WWC1: variants seen among roughly 807,000 people sequenced by gnomAD.
WWC1 encodes protein KIBRA.
WWC1 carries 55 observed loss-of-function variants against 138.4 expected under a neutral mutation model. That is an observed-to-expected ratio of 0.40 (90% confidence interval 0.32 to 0.50). The LOEUF (loss-of-function observed/expected upper bound fraction) is 0.50, where lower values mean the gene tolerates loss of function less well. Among genes scored for constraint, WWC1 ranks in the 20% least tolerant of loss-of-function variants. WWC1 has a pLI of 0.72. For synonymous variants in WWC1, 524 were observed against 564.9 expected, an observed-to-expected ratio of 0.93 and a Z score of 1.03; for missense variants, 1,226 against 1,420.4, an observed-to-expected ratio of 0.86 and a Z score of 2.20.
intron 1 of WWC1, among the ~76,000 whole-genome samples, chr5:168,335,910 G>A (rs917618810): frequency 6.6e-6 from 1 of 152,206 alleles, no homozygotes; most frequent in African/African-American, 2.4e-5. Flanking sequence ...GAAAGCCCTT[G>A]CTTTCCTCCC....
At position 168,449,094 on chromosome 5, in the gene WWC1, T is replaced by C. The variant is rs1755556483; in HGVS notation, c.2525+4509T>C. Among the ~76,000 whole-genome samples the C allele has an allele frequency of 2.0e-5, 3 of 152,204 alleles. No individual in the cohort carries two copies. The South Asian group carries it at 6.2e-4, about 32-fold the overall frequency. ...AGAATGTAAATTGGCTGCTCTCCTT[T>C]TCACTTCCCACAGGGATATGCCTGT... On this transcript the variant is annotated intron_variant, in intron 17 of 22. Coordinates refer to ENST00000265293, the MANE Select transcript of WWC1 (RefSeq NM_015238.3).
chr5:168,348,975 A>G (rs1774706593), intron 1 of WWC1, among the ~76,000 whole-genome samples: 1 of 152,048 alleles, frequency 6.6e-6, no homozygotes, highest in Admixed American at 6.5e-5. Flanking sequence ...AAACCTCCCC[A>G]CAGCTCTGTG....
chr5:168,425,304 C>G (rs931930563), intron 11 of WWC1, among the ~76,000 whole-genome samples: 3 of 152,148 alleles, frequency 2.0e-5, no homozygotes, highest in Non-Finnish European at 2.9e-5. Flanking sequence ...GTGTGAAGGT[C>G]AGGACTGAGT....
chr5:168,455,557 GGTA>G lies in WWC1; in HGVS notation c.2823+39_2823+41del, dbSNP rs752055880. 10 of 1,596,470 alleles carry G rather than the reference GGTA, an allele frequency of 6.3e-6. No homozygotes were observed. In the South Asian group the frequency reaches 1.1e-4, roughly 18 times the overall value. ...TGCGGCCCTCTTCTGCTCCCCTCAG[GGTA>G]GCCGAGAGCTTCACACAGGGCTGGG... On this transcript the variant is annotated intron_variant, in intron 19 of 22. Coordinates refer to ENST00000265293, the MANE Select transcript of WWC1 (RefSeq NM_015238.3).
At chr5:168,433,874 T>C (rs777219767) in intron 15 of WWC1, among the ~76,000 whole-genome samples, 1 of 152,148 alleles carries the variant, frequency 6.6e-6, no homozygotes, top group Non-Finnish European at 1.5e-5. Context: ...CCTTGCAAAA[T>C]AGGTAGCGTA....
chr5:168,390,372 A>G (rs1188520581), intron 3 of WWC1, among the ~76,000 whole-genome samples: 1 of 152,166 alleles, frequency 6.6e-6, no homozygotes, highest in African/African-American at 2.4e-5. Flanking sequence ...GAAGGAAGTA[A>G]ACAATACAGT....
chr5:168,444,164 G>T (rs1039909322), intron 16 of WWC1, among the ~76,000 whole-genome samples: 5 of 152,092 alleles, frequency 3.3e-5, no homozygotes, highest in African/African-American at 9.7e-5. Context: ...GTTACTGATG[G>T]TTCACACATT....
chr5:168,366,520 T>A (rs1301750552), intron 1 of WWC1, among the ~76,000 whole-genome samples: 1 of 152,210 alleles, frequency 6.6e-6, no homozygotes, highest in Admixed American at 6.5e-5. Flanking sequence ...CTTGCCTCCC[T>A]CTGCTTTATT....
chr5:168,336,841 T>C (rs919465251), intron 1 of WWC1, among the ~76,000 whole-genome samples: 23 of 152,322 alleles, frequency 1.5e-4, no homozygotes, highest in South Asian at 2.1e-4. Context: ...CTATAGTGTG[T>C]GACTGTAGCA....
intron 15 of WWC1, among the ~76,000 whole-genome samples, chr5:168,435,692 G>C (rs1037365158): frequency 3.3e-5 from 5 of 152,128 alleles, no homozygotes; most frequent in African/African-American, 1.2e-4. Context: ...GTTTACAGGC[G>C]TGAGCCACCA....
At chr5:168,321,528 A>T (rs1183196456) in intron 1 of WWC1, among the ~76,000 whole-genome samples, 1 of 150,298 alleles carries the variant, frequency 6.7e-6, no homozygotes, top group Non-Finnish European at 1.5e-5. Context: ...CTCATAGGGC[A>T]ATATCCTTTT....
chr5:168,301,854 CCT>C (rs1285541107), intron 1 of WWC1, among the ~76,000 whole-genome samples: 3 of 152,082 alleles, frequency 2.0e-5, no homozygotes, highest in East Asian at 1.9e-4. Flanking sequence ...AACTAAAACC[CCT>C]GTTTCTTCCT....
At chr5:168,322,775 G>C (rs1772219918) in intron 1 of WWC1, among the ~76,000 whole-genome samples, 1 of 152,158 alleles carries the variant, frequency 6.6e-6, no homozygotes, top group African/African-American at 2.4e-5. Flanking sequence ...CCCAGATTCT[G>C]TATGCTTTTC....
chr5:168,403,017 T>A (rs1434867062), intron 5 of WWC1, among the ~76,000 whole-genome samples: 4 of 92,150 alleles, frequency 4.3e-5, no homozygotes, highest in African/African-American at 2.0e-4. Context: ...TTTCTTTCTT[T>A]CTTTCTTTCT....
intron 1 of WWC1, among the ~76,000 whole-genome samples, chr5:168,331,787 G>T (rs959546534): frequency 6.6e-6 from 1 of 152,168 alleles, no homozygotes; most frequent in Non-Finnish European, 1.5e-5. Context: ...GTGAAGTCAA[G>T]AAAGTGCTAG....
chr5:168,310,304 C>T, intron 1 of WWC1, among the ~76,000 whole-genome samples: 1 of 151,562 alleles, frequency 6.6e-6, no homozygotes, highest in East Asian at 1.9e-4. Flanking sequence ...CCAGATTTAC[C>T]AGTTTTTTTG....
chr5:168,460,870 T>C, intron 20 of WWC1, 128 bp downstream of exon 20: 1 of 957,246 alleles, frequency 1.0e-6, no homozygotes, highest in Admixed American at 2.2e-5. Context: ...AAAATGTTGC[T>C]CTCTCAAGCA....
chr5:168,314,516 G>A (rs1354048874), intron 1 of WWC1, among the ~76,000 whole-genome samples: 4 of 152,110 alleles, frequency 2.6e-5, no homozygotes, highest in Admixed American at 6.6e-5. Flanking sequence ...GCAGTGAGCC[G>A]AGATTGCGCC....
intron 1 of WWC1, among the ~76,000 whole-genome samples, chr5:168,341,338 A>G (rs1269609761): frequency 6.6e-6 from 1 of 152,160 alleles, no homozygotes; most frequent in African/African-American, 2.4e-5. Flanking sequence ...TAAAGGATGC[A>G]AGACTCGAGG....
Sources: gnomAD v4.1 joint callset for allele counts (sites outside exome capture counted in the v4.1 genomes callset) on GRCh38, gnomAD v4.1.1 for gene constraint, MANE v1.5 for transcripts, NCBI Gene and HGNC (gene_info 2026-07-23, HGNC 2026-07-21) for gene names.